The following CYP4F12 variants were observed in gnomAD, a reference collection of about 807,000 sequenced individuals.
CYP4F12 encodes cytochrome P450 family 4 subfamily F member 12, also known as cytochrome P450 4F12.
CYP4F12 carries 60 observed loss-of-function variants against 56.5 expected under a neutral mutation model. That is an observed-to-expected ratio of 1.06 (90% CI 0.86 to 1.32). CYP4F12 has a LOEUF of 1.32. Ranked by LOEUF, CYP4F12 falls within the 40% of genes most tolerant of loss-of-function variation. The probability of loss-of-function intolerance (pLI) is 0.00; values close to 1 mark genes in which losing one functional copy is unlikely to be tolerated. For missense variants in CYP4F12, 711 were observed against 683.5 expected (o/e 1.04, Z -0.45); for synonymous variants, 263 against 264.9 (o/e 0.99, Z 0.07).
At position 15,680,288 on chromosome 19, in the gene CYP4F12, C is replaced by A; in HGVS notation, c.388C>A (p.Pro130Thr). The A allele has an allele frequency of 6.2e-7, 1 of 1,611,894 alleles. No homozygotes were observed. Among genetic ancestry groups the A allele is most frequent in the South Asian group, 1.1e-5 (1 of 90,800 alleles). The change falls in exon 4 of 13, where the codon CCC (proline) becomes ACC (threonine). Residue 130 changes from proline (P) to threonine (T), a missense_variant. By Grantham distance (38) the Pro-to-Thr change is conservative. Coordinates refer to ENST00000550308, the MANE Select transcript of CYP4F12 (RefSeq NM_023944.4). The part of the protein sequence containing the change: ...KDNLFIRFLK[P>T]WLGEGILLSG... ...TAATCTCTTCATCAGGTTCCTGAAG[C>A]CCTGGCTGGGTGAGTACCTGCAGGT...
rs1378229303 is a variant in CYP4F12, at chr19:15,674,376, C to T, written c.198+649C>T. On this transcript the variant is annotated intron_variant, in intron 2 of 12. Transcript: ENST00000550308. ...TCATTCCTCTCCTCACTCACTCATT[C>T]CTCTACCCACTCACTCATTCCTCTC... Among the ~76,000 whole-genome samples the T allele has an allele frequency of 1.2e-4, 13 of 112,386 alleles. 5 individuals are homozygous for T. The highest frequency in any genetic ancestry group is 4.3e-4 in the African/African-American group (13 of 30,550). 73.7% of individuals were successfully genotyped at this position (112,386 alleles called of 152,430 possible).
chr19:15,685,102 C>G lies in CYP4F12; in HGVS notation c.1020C>G (p.Val340=). ...CCACGGCCAGTGGCCTCTCCTGGGT[C>G]CTGTACAACCTTGCGAGGCACCCAG... ...HDTTASGLSW[V]LYNLARHPEY... Residue 340 remains valine, a synonymous_variant, in exon 9 of 13, where the codon GTC becomes GTG. Coordinates refer to ENST00000550308, the MANE Select transcript of CYP4F12 (RefSeq NM_023944.4). The G allele has an allele frequency of 6.2e-7, 1 of 1,614,186 alleles. No individual in the cohort carries two copies. Among genetic ancestry groups the G allele is most frequent in the Non-Finnish European group, 8.5e-7 (1 of 1,180,022 alleles).
chr19:15,678,180 A>T (rs904721453), intron 2 of CYP4F12, 81 bp from the exon 3 acceptor site: 2 of 1,548,256 alleles, frequency 1.3e-6, no homozygotes, highest in Non-Finnish European at 1.8e-6. Flanking sequence ...TTGACTGGCT[A>T]TCTGGGCATC....
Position 15,683,536 on chromosome 19 carries a change from C to A in CYP4F12, c.691C>A (p.Leu231Ile), listed in dbSNP as rs1300435223. 2 of 1,612,870 alleles carry A rather than the reference C, an allele frequency of 1.2e-6. No individual in the cohort carries two copies. Among genetic ancestry groups the A allele is most frequent in the South Asian group, 2.2e-5 (2 of 90,924 alleles). Residue 231 changes from leucine (L) to isoleucine (I), a missense_variant, in exon 7 of 13, where the codon CTT (leucine) becomes ATT (isoleucine). Leu to Ile is a conservative substitution (Grantham distance 5, BLOSUM62 2). Coordinates refer to ENST00000550308, the MANE Select transcript of CYP4F12 (RefSeq NM_023944.4). ...YIATILELSA[L>I]VEKRSQHILQ... The stretch of plus-strand genomic sequence containing the variant: ...TGCCACCATCTTGGAGCTCAGTGCC[C>A]TTGTAGAGAAAAGAAGCCAGCATAT...
At position 15,682,394 on chromosome 19, in the gene CYP4F12, G is replaced by C; in HGVS notation, c.531G>C (p.Lys177Asn). ...CTCTTCCCTTCTCTGGCCAGGACAA[G>C]TGGCAGCACCTGGCCTCAGAGGGCA... ...FNKSANIMLDKWQHLASEGSS... is the reference protein window; with the variant it reads ...FNKSANIMLDNWQHLASEGSS... Residue 177 changes from lysine to asparagine, a missense_variant, in exon 6 of 13, where the codon AAG (lysine) becomes AAC (asparagine). By Grantham distance (94) the Lys-to-Asn change is moderately conservative. Transcript: ENST00000550308. 6.2e-7 allele frequency: 1 copy of C among 1,612,942 alleles called. No individual in the cohort carries two copies. Among genetic ancestry groups the C allele is most frequent in the Non-Finnish European group, 8.5e-7 (1 of 1,179,142 alleles).
intron 2 of CYP4F12, among the ~76,000 whole-genome samples, chr19:15,677,107 C>G (rs201531863): frequency 7.9e-6 from 1 of 126,320 alleles, no homozygotes; most frequent in Non-Finnish European, 1.7e-5. Flanking sequence ...TCACTCATTC[C>G]TCTGCTCACT....
intron 10 of CYP4F12, 31 bp downstream of exon 10, chr19:15,696,100 C>T (rs775962732): frequency 4.4e-5 from 71 of 1,610,532 alleles, no homozygotes; most frequent in South Asian, 8.8e-5. Context: ...AGAAGCCTCC[C>T]GGGTAGGAAG....
chr19:15,686,971 C>CA (rs10570451), intron 9 of CYP4F12, among the ~76,000 whole-genome samples: 13 of 151,644 alleles, frequency 8.6e-5, no homozygotes, highest in African/African-American at 2.4e-4. Flanking sequence ...ACTTTGTAAA[C>CA]AAAAAAAAGT....
chr19:15,682,850 G>A (rs2144729698), intron 6 of CYP4F12, among the ~76,000 whole-genome samples: 1 of 152,298 alleles, frequency 6.6e-6, no homozygotes, highest in South Asian at 2.1e-4. Flanking sequence ...GATGATGGAT[G>A]TGATAAGAGC....
intron 9 of CYP4F12, among the ~76,000 whole-genome samples, chr19:15,692,504 A>G (rs537414556): frequency 1.3e-5 from 2 of 152,282 alleles, no homozygotes; most frequent in African/African-American, 2.4e-5. Flanking sequence ...TGAACATAGT[A>G]TATGCTAAAG....
Position 15,684,769 on chromosome 19 carries a change from T to TGC in CYP4F12, c.919-46_919-45insCG, listed in dbSNP as rs748698714. ...AGATAGTATAATTTGTGTGTGTGTG[T>TGC]GTGTGTGTGTGTGTGTGTGTGTGTG... On this transcript the variant is annotated intron_variant, in intron 7 of 12. Transcript: ENST00000550308. 7.4e-6 allele frequency: 7 copies of TGC among 941,456 alleles called. No homozygotes were observed. In the East Asian group the frequency reaches 2.2e-4, roughly 30 times the overall value. The allele number at this position is 941,456 out of a possible 1,614,324, so 58.3% of individuals were successfully genotyped here.
At position 15,696,906 on chromosome 19, in the gene CYP4F12, A is replaced by T; in HGVS notation, c.1398-2A>T. ...AGTCACAGTCCCCACTCCCGCCTGC[A>T]GGAACTGCATCGGGCAGGCGTTCGC... On this transcript the variant is annotated splice_acceptor_variant, in intron 12 of 12. Coordinates refer to ENST00000550308, the MANE Select transcript of CYP4F12 (RefSeq NM_023944.4). LOFTEE classifies it high-confidence loss of function. The T allele has an allele frequency of 6.2e-7, 1 of 1,610,870 alleles. No homozygotes were observed. Among genetic ancestry groups the T allele is most frequent in the Non-Finnish European group, 8.5e-7 (1 of 1,178,246 alleles).
intron 6 of CYP4F12, among the ~76,000 whole-genome samples, chr19:15,683,264 TCTAGGTGC>T (rs2007409580): frequency 6.6e-6 from 1 of 152,158 alleles, no homozygotes; most frequent in Non-Finnish European, 1.5e-5. Flanking sequence ...CAAGCTATAC[TCTAGGTGC>T]CTAGGTGCAT....
chr19:15,679,577 A>G (rs2144718086), intron 3 of CYP4F12, among the ~76,000 whole-genome samples: 1 of 152,288 alleles, frequency 6.6e-6, no homozygotes, highest in Non-Finnish European at 1.5e-5. Context: ...GTGGTCGAGG[A>G]CACTTGGGGC....
chr19:15,678,305 G>A lies in CYP4F12; in HGVS notation c.243G>A (p.Ser81=), dbSNP rs771986037. 7.4e-6 allele frequency: 12 copies of A among 1,613,996 alleles called. No homozygotes were observed. Among genetic ancestry groups the A allele is most frequent in the East Asian group, 4.5e-5 (2 of 44,886 alleles). The stretch of plus-strand genomic sequence containing the variant: ...GCTTGAAGAACTCGACCCAGATGTC[G>A]GCCACCTATTCCCAGGGCTTTACGG... ...EEGLKNSTQM[S]ATYSQGFTVW... Residue 81 remains serine (S), a synonymous_variant, in exon 3 of 13, where the codon TCG becomes TCA. Transcript: ENST00000550308.
intron 10 of CYP4F12, 32 bp downstream of exon 10, chr19:15,696,101 G>T (rs757093352): frequency 3.7e-6 from 6 of 1,610,672 alleles, no homozygotes; most frequent in African/African-American, 1.3e-5. Context: ...GAAGCCTCCC[G>T]GGTAGGAAGA....
At chr19:15,687,968 C>A (rs2007699704) in intron 9 of CYP4F12, among the ~76,000 whole-genome samples, 1 of 152,096 alleles carries the variant, frequency 6.6e-6, no homozygotes, top group Admixed American at 6.5e-5. Flanking sequence ...GGATGAACTC[C>A]CTTGACCAGA....
chr19:15,692,104 A>G (rs1288632424), intron 9 of CYP4F12, among the ~76,000 whole-genome samples: 3 of 152,012 alleles, frequency 2.0e-5, no homozygotes, highest in Non-Finnish European at 4.4e-5. Context: ...GACTACAGGC[A>G]CCCTCCACCA....
intron 9 of CYP4F12, among the ~76,000 whole-genome samples, chr19:15,688,353 C>CAA (rs1293143234): frequency 1.6e-5 from 2 of 123,462 alleles, no homozygotes; most frequent in African/African-American, 6.2e-5. Flanking sequence ...AACAAACAAA[C>CAA]AAAAAAACAG....
Sources: allele counts gnomAD v4.1 joint callset (sites outside exome capture counted in the v4.1 genomes callset), GRCh38; gene constraint gnomAD v4.1.1; transcripts MANE v1.5; gene names NCBI Gene and HGNC (gene_info 2026-07-23, HGNC 2026-07-21).